Variants in KIAA1210 observed in about 807,000 individuals in gnomAD.
KIAA1210 encodes the protein acrosomal protein KIAA1210.
In KIAA1210, 48 loss-of-function variants were observed where a neutral mutation model predicts 78.9. That is an observed-to-expected ratio of 0.61 (90% CI 0.48 to 0.77). KIAA1210 has a LOEUF of 0.77. Among genes scored for constraint, KIAA1210 ranks in the 30% least tolerant of loss-of-function variants. KIAA1210 has a pLI of 0.00. For synonymous variants in KIAA1210, 406 were observed against 404.5 expected (o/e 1.00, Z -0.04); for missense variants, 1,108 against 1,100.0 (o/e 1.01, Z -0.10).
chrX:119,082,964 A>G (rs1603264394), intron 11 of KIAA1210, 51 bp downstream of exon 11: 1 of 893,753 alleles, frequency 1.1e-6, no homozygotes, highest in Non-Finnish European at 1.6e-6. Flanking sequence ...CAAAAGTTTT[A>G]CAACATTCTG....
At chrX:119,097,438 C>T (rs903409565) in intron 6 of KIAA1210, among the ~76,000 whole-genome samples, 13 of 111,803 alleles carry the variant, frequency 1.2e-4, no homozygotes, top group Middle Eastern at 4.3e-3. Context: ...CTCCCCAGAG[C>T]TCTTTCCATT....
intron 8 of KIAA1210, among the ~76,000 whole-genome samples, chrX:119,092,684 T>C (rs1258300923): frequency 2.8e-5 from 3 of 108,590 alleles, no homozygotes; most frequent in Admixed American, 9.9e-5. Context: ...TTGCTTGAAC[T>C]AGGGAGGTGG....
chrX:119,142,198 A>C (rs1929063637), intron 2 of KIAA1210, among the ~76,000 whole-genome samples: 1 of 111,850 alleles, frequency 8.9e-6, no homozygotes, highest in Admixed American at 9.5e-5. Context: ...TTCATTTAAT[A>C]ATTGTTCATT....
At chrX:119,137,419 C>T (rs1262269250) in intron 2 of KIAA1210, among the ~76,000 whole-genome samples, 1 of 112,807 alleles carries the variant, frequency 8.9e-6, no homozygotes, top group African/African-American at 3.2e-5. Context: ...TTAGGAATTA[C>T]AAAGCCCGCG....
At position 119,138,467 on chromosome X, in the gene KIAA1210, C is replaced by T. The variant is rs1458220229; in HGVS notation, c.410+9006G>A. ...CTCCTGACCTCAGGTGATCTGTCCGCCTTGGCCTCCAAAAGTGCTAGGATT... is the reference window on the plus strand; with the variant it reads ...CTCCTGACCTCAGGTGATCTGTCCGTCTTGGCCTCCAAAAGTGCTAGGATT... On this transcript the variant is annotated intron_variant, in intron 2 of 13. Transcript: ENST00000402510. Among the ~76,000 whole-genome samples, 7 of 110,990 alleles carry T rather than the reference C, an allele frequency of 6.3e-5. No individual in the cohort carries two copies. The Admixed American group carries it at 6.7e-4, about 11-fold the overall frequency.
intron 2 of KIAA1210, among the ~76,000 whole-genome samples, chrX:119,134,279 C>T (rs1330867322): frequency 8.9e-6 from 1 of 112,420 alleles, no homozygotes; most frequent in East Asian, 2.8e-4. Flanking sequence ...CCTCCAGGCT[C>T]ATTCACATTG....
chrX:119,081,702 A>C (rs1167368370), intron 11 of KIAA1210, among the ~76,000 whole-genome samples, 198 bp from the exon 12 acceptor site: 1 of 112,134 alleles, frequency 8.9e-6, no homozygotes, highest in Non-Finnish European at 1.9e-5. Flanking sequence ...GTAGTATGTC[A>C]AAGGGGTAAA....
At chrX:119,143,489 G>A (rs1190829198) in intron 2 of KIAA1210, among the ~76,000 whole-genome samples, 1 of 112,222 alleles carries the variant, frequency 8.9e-6, no homozygotes, top group Non-Finnish European at 1.9e-5. Context: ...CTCCTTAACT[G>A]TATTTGTGAC....
In KIAA1210 at chrX:119,078,895, A is replaced by G. The variant is rs1285971073; in HGVS notation, c.*2434T>C. The G allele has an allele frequency of 8.9e-6, 1 of 111,749 alleles. No individual in the cohort carries two copies. The highest frequency in any genetic ancestry group is 1.9e-5 in the Non-Finnish European group (1 of 53,161). The allele number at this position is 111,749 out of a possible 1,213,427, so 9.2% of individuals were successfully genotyped here. On this transcript the variant is annotated 3_prime_UTR_variant, in exon 12 of 12. Coordinates refer to ENST00000691062, the MANE Select transcript of KIAA1210 (RefSeq NM_001394962.1). ...TGTTAACTGTGGAAAAGAAATTGTT[A>G]TTGGAGAGTTCTCAGAGTGACAATA...
intron 2 of KIAA1210, among the ~76,000 whole-genome samples, chrX:119,118,370 G>T (rs1928343008): frequency 8.9e-6 from 1 of 112,041 alleles, no homozygotes; most frequent in Admixed American, 9.4e-5. Flanking sequence ...AAGATTTGTT[G>T]TATGAGAAAG....
Position 119,092,916 on chromosome X carries a change from C to T in KIAA1210, c.955+751G>A, listed in dbSNP as rs377529339. On this transcript the variant is annotated intron_variant, in intron 8 of 11. Coordinates refer to ENST00000691062, the MANE Select transcript of KIAA1210 (RefSeq NM_001394962.1). ...ATGGGAAAACGTGTTTAGGAATGTC[C>T]TGTCTTTGGACCCACATGTGAAATC... is the stretch of plus-strand genomic sequence containing the variant. 8.4e-4 allele frequency among the ~76,000 whole-genome samples: 93 copies of T among 110,741 alleles called. 1 individual carries two copies. Among genetic ancestry groups the T allele is most frequent in the African/African-American group, 2.7e-3 (81 of 30,472 alleles).
At chrX:119,118,336 A>C (rs1319587693) in intron 2 of KIAA1210, among the ~76,000 whole-genome samples, 5 of 112,120 alleles carry the variant, frequency 4.5e-5, no homozygotes, top group Non-Finnish European at 9.4e-5. Flanking sequence ...GCATCTCCCA[A>C]AGTGTGTTCA....
rs990259079 is a variant in KIAA1210, at chrX:119,096,764, C to T, written c.649-73G>A. 21 of 766,913 alleles carry T rather than the reference C, an allele frequency of 2.7e-5. No individual in the cohort carries two copies. In the African/African-American group the frequency reaches 3.2e-4, roughly 12 times the overall value. The allele number at this position is 766,913 out of a possible 1,213,427, so 63.2% of individuals were successfully genotyped here. On this transcript the variant is annotated intron_variant, in intron 6 of 11. Transcript: ENST00000691062. ...TGGTCTCAAAAGTTGGATATTCTTC[C>T]GGCTGAAGAATTCCCAAAGAAGAAA...
chrX:119,126,679 C>T (rs1273307469), intron 1 of KIAA1210, among the ~76,000 whole-genome samples: 1 of 111,917 alleles, frequency 8.9e-6, no homozygotes, highest in Non-Finnish European at 1.9e-5. Flanking sequence ...ATTTACACAC[C>T]AATGCATTGT....
rs1266317033 is a variant in KIAA1210 at position 119,087,035 on chromosome X, C to T, written c.3667G>A (p.Gly1223Arg). The part of the protein sequence containing the change: ...FESNSDNWFL[G>R]RDEAFAIKTK... ...TTGATTGCAAAAGCTTCATCTCTTC[C>T]TAGGAACCAATTGTCAGAATTGCTC... The change falls in exon 9 of 12, where the codon GGA (glycine) becomes AGA (arginine). Residue 1223 changes from glycine (G) to arginine (R), a missense_variant. Transcript: ENST00000691062. 1 of 1,211,537 alleles carries T rather than the reference C, an allele frequency of 8.3e-7. No homozygotes were observed. The highest frequency in any genetic ancestry group is 2.2e-5 in the Admixed American group (1 of 46,012).
chrX:119,097,152 G>C (rs754143767), intron 6 of KIAA1210, among the ~76,000 whole-genome samples: 2 of 111,560 alleles, frequency 1.8e-5, no homozygotes, highest in African/African-American at 3.3e-5. Context: ...GGTTGGAAGA[G>C]GGCCTGTCTG....
rs1360362415 is a variant in KIAA1210, at chrX:119,080,534, T to TA, written c.*794dup. On this transcript the variant is annotated 3_prime_UTR_variant, in exon 12 of 12. Coordinates refer to ENST00000691062, the MANE Select transcript of KIAA1210 (RefSeq NM_001394962.1). ...TAATTGCGGCATCTATCTAGGCTCA[T>TA]AAAACCTAAAGGCCAATCTTTAGGT... 8.9e-6 allele frequency: 1 copy of TA among 112,271 alleles called. No individual in the cohort carries two copies. Among genetic ancestry groups the TA allele is most frequent in the East Asian group, 2.8e-4 (1 of 3,584 alleles). The allele number at this position is 112,271 out of a possible 1,213,427, so 9.3% of individuals were successfully genotyped here. A position where few individuals can be genotyped will look rare whatever the true frequency, so the allele number is the denominator to read the frequency against.
In KIAA1210 at chrX:119,096,676, AT is replaced by A; in HGVS notation, c.663del (p.Leu221PhefsTer11). ...SLTATQSFSE[L>X]SSGPDCSQSL... Reference sequence around the variant, plus strand: ...GACTGTGAGCAATCAGGTCCAGATGATAACTCAGAGAAGCTCTGGGGAAGGT... The same window carrying A: ...GACTGTGAGCAATCAGGTCCAGATGAAACTCAGAGAAGCTCTGGGGAAGGT... On this transcript the variant is annotated frameshift_variant, in exon 7 of 12. Transcript: ENST00000691062. LOFTEE classifies it high-confidence loss of function. The A allele has an allele frequency of 8.3e-7, 1 of 1,201,905 alleles. No homozygotes were observed. Among genetic ancestry groups the A allele is most frequent in the Non-Finnish European group, 1.1e-6 (1 of 889,524 alleles).
chrX:119,098,324 C>T (rs952873641), intron 6 of KIAA1210, among the ~76,000 whole-genome samples: 1 of 111,912 alleles, frequency 8.9e-6, no homozygotes, highest in African/African-American at 3.3e-5. Flanking sequence ...CTTTTCATGG[C>T]CTGGTGTGGT....
Sources: allele counts gnomAD v4.1 joint callset (sites outside exome capture counted in the v4.1 genomes callset), GRCh38; gene constraint gnomAD v4.1.1; transcripts MANE v1.5; gene names NCBI Gene and HGNC (gene_info 2026-07-23, HGNC 2026-07-21).